Variants in DSP observed in about 807,000 individuals in gnomAD.
DSP encodes the protein 250/210 kDa paraneoplastic pemphigus antigen.
Under a neutral mutation model 290.6 loss-of-function variants are expected in DSP, and 114 were observed. That is an observed-to-expected ratio of 0.39 (90% CI 0.34 to 0.46). DSP has a LOEUF of 0.46. Among genes scored for constraint, DSP ranks in the 20% least tolerant of loss-of-function variants. The probability of loss-of-function intolerance (pLI) is 0.99; values close to 1 mark genes in which losing one functional copy is unlikely to be tolerated. For synonymous variants in DSP, 1,311 were observed against 1,316.4 expected (o/e 1.00, Z 0.09); for missense variants, 3,230 against 3,495.8 (o/e 0.92, Z 1.92).
At chr6:7,572,889 C>A (rs1412371513) in intron 15 of DSP, among the ~76,000 whole-genome samples, 1 of 152,210 alleles carries the variant, frequency 6.6e-6, no homozygotes, top group Non-Finnish European at 1.5e-5. Flanking sequence ...GTCCTAAATA[C>A]TGTAGGCAAT....
At chr6:7,568,618 G>A in intron 11 of DSP, 29 bp downstream of exon 11, 2 of 1,612,316 alleles carry the variant, frequency 1.2e-6, no homozygotes, top group Non-Finnish European at 1.7e-6. Context: ...TGATACAAAA[G>A]TTTTCCCTGT....
chr6:7,563,438 A>G (rs1196232246), intron 5 of DSP, among the ~76,000 whole-genome samples: 1 of 151,326 alleles, frequency 6.6e-6, no homozygotes, highest in Non-Finnish European at 1.5e-5. Context: ...TCTAAGACCT[A>G]GGGAATCCTA....
At chr6:7,543,280 CAGGG>C (rs1758071656) in intron 1 of DSP, among the ~76,000 whole-genome samples, 1 of 152,054 alleles carries the variant, frequency 6.6e-6, no homozygotes, top group African/African-American at 2.4e-5. Flanking sequence ...GAATGCGCTC[CAGGG>C]AGTTTTGTTT....
chr6:7,575,192 CTAAAGTGTTTTA>C lies in DSP; in HGVS notation c.2437-98_2437-87del, dbSNP rs1311137945. The C allele has an allele frequency of 5.5e-6, 6 of 1,085,358 alleles. No homozygotes were observed. The Admixed American group carries it at 1.0e-4, about 18-fold the overall frequency. 67.2% of individuals were successfully genotyped at this position (1,085,358 alleles called of 1,614,324 possible). On this transcript the variant is annotated intron_variant, in intron 17 of 23. Transcript: ENST00000379802. ...GTTAACACTTTAAATTATGAATATT[CTAAAGTGTTTTA>C]TAAACTTTGCCGCCCAATTTGGTGA...
intron 1 of DSP, among the ~76,000 whole-genome samples, chr6:7,552,068 C>T (rs1288459564): frequency 9.9e-5 from 15 of 152,138 alleles, no homozygotes; most frequent in Non-Finnish European, 1.3e-4. Context: ...GATGAAATTT[C>T]GTTAATCAGA....
rs747284663 is a variant in DSP at position 7,585,495 on chromosome 6, A to G, written c.8233A>G (p.Ile2745Val). 2.5e-5 allele frequency: 40 copies of G among 1,614,062 alleles called. 1 individual carries two copies. The Middle Eastern group carries it at 4.9e-4, about 20-fold the overall frequency. ...GLVDPEVHGR[I>V]STEEAIRKGF... is the part of the protein sequence containing the mutation. ...TGTTGACCCGGAAGTGCATGGGAGG[A>G]TAAGCACCGAAGAAGCCATCCGGAA... The change falls in exon 24 of 24, where the codon ATA (isoleucine) becomes GTA (valine). Residue 2745 changes from isoleucine (I) to valine (V), a missense_variant. Physicochemically the swap from Ile to Val is conservative, Grantham distance 29 (BLOSUM62 3). This residue lies in a region of DSP where 582 missense variants were observed against 555.4 expected (regional missense o/e 1.05). Transcript: ENST00000379802.
chr6:7,574,083 C>CA lies in DSP; in HGVS notation c.2131-2dup. ...CAAAAGAGCTTTCCTTCATTTTTGA[C>CA]AGAGTGTGCAGAATGATTCACAAGC... On this transcript the variant is annotated splice_region_variant and splice_polypyrimidine_tract_variant and intron_variant, in intron 15 of 23. Transcript: ENST00000379802. The CA allele has an allele frequency of 6.2e-7, 1 of 1,614,012 alleles. No individual in the cohort carries two copies. Among genetic ancestry groups the CA allele is most frequent in the Non-Finnish European group, 8.5e-7 (1 of 1,179,940 alleles).
Position 7,541,713 on chromosome 6 carries a change from G to C in DSP, c.-203G>C, listed in dbSNP as rs1757976745. The C allele has an allele frequency of 4.9e-6, 3 of 617,148 alleles. No individual in the cohort carries two copies. Among genetic ancestry groups the C allele is most frequent in the Admixed American group, 6.6e-5 (2 of 30,248 alleles). 38.2% of individuals were successfully genotyped at this position (617,148 alleles called of 1,614,324 possible). A position where few individuals can be genotyped will look rare whatever the true frequency, so the allele number is the denominator to read the frequency against. On this transcript the variant is annotated 5_prime_UTR_variant, in exon 1 of 24. Coordinates refer to ENST00000379802, the MANE Select transcript of DSP (RefSeq NM_004415.4). Reference sequence around the variant, plus strand: ...CCCTCCGAGCCACAGCTTTCCTCCCGCTCCTGCCCCCGGCCCGTCGCCGTC... The same window carrying C: ...CCCTCCGAGCCACAGCTTTCCTCCCCCTCCTGCCCCCGGCCCGTCGCCGTC...
chr6:7,583,352 T>C lies in DSP; in HGVS notation c.6090T>C (p.Ser2030=). Residue 2030 remains serine (S), a synonymous_variant, in exon 24 of 24, where the codon TCT becomes TCC. Coordinates refer to ENST00000379802, the MANE Select transcript of DSP (RefSeq NM_004415.4). This position sits in a 1 kb window ranked among gnomAD's most constrained non-coding sequence, Gnocchi z 4.0. ...GASASPKEKY[S]LVEAKRKKLI... is the part of the protein sequence containing the mutation. ...CTGCTTCTCCTAAGGAAAAATACTC[T>C]TTGGTAGAGGCCAAGAGAAAGAAAT... 6.2e-7 allele frequency: 1 copy of C among 1,614,170 alleles called. No individual in the cohort carries two copies. Among genetic ancestry groups the C allele is most frequent in the Non-Finnish European group, 8.5e-7 (1 of 1,180,050 alleles).
chr6:7,554,237 A>G (rs1021114459), intron 1 of DSP, among the ~76,000 whole-genome samples: 2 of 152,130 alleles, frequency 1.3e-5, no homozygotes, highest in Non-Finnish European at 2.9e-5. Flanking sequence ...ACAGACATTA[A>G]ATAATCACTT....
intron 5 of DSP, 69 bp from the exon 6 acceptor site, chr6:7,563,667 A>G: frequency 7.7e-7 from 1 of 1,299,046 alleles, no homozygotes; most frequent in South Asian, 1.2e-5. Flanking sequence ...AAGGAGGCTT[A>G]GAAGGGCCAC....
chr6:7,550,704 T>G (rs1193657017), intron 1 of DSP, among the ~76,000 whole-genome samples: 1 of 152,104 alleles, frequency 6.6e-6, no homozygotes, highest in East Asian at 1.9e-4. Flanking sequence ...CTTTTAAGGA[T>G]GAGTTATTTT....
In DSP at chr6:7,569,215, C is replaced by A. The variant is rs1758959651; in HGVS notation, c.1449C>A (p.Ile483=). 3.7e-6 allele frequency: 6 copies of A among 1,614,144 alleles called. No homozygotes were observed. The highest frequency in any genetic ancestry group is 5.1e-6 in the Non-Finnish European group (6 of 1,180,028). ...QKIVHKGDEC[I]LKDNNERSKW... ...TCGTGCATAAGGGGGATGAGTGTAT[C>A]CTGAAGGACAACAACGAGCGCAGCA... The change falls in exon 12 of 24, where the codon ATC becomes ATA. Residue 483 remains isoleucine, a synonymous_variant. Transcript: ENST00000379802.
In DSP at chr6:7,571,828, AC is replaced by A. The variant is rs1561690594; in HGVS notation, c.1904-13del. On this transcript the variant is annotated splice_polypyrimidine_tract_variant and intron_variant, in intron 14 of 23. Coordinates refer to ENST00000379802, the MANE Select transcript of DSP (RefSeq NM_004415.4). Reference sequence around the variant, plus strand: ...GTATTCTCTGATTTTTGTGGCCCTAACTTCTTTTTACAGTGACCACAACTGA... The same window carrying A: ...GTATTCTCTGATTTTTGTGGCCCTAATTCTTTTTACAGTGACCACAACTGA... The A allele has an allele frequency of 6.2e-7, 1 of 1,610,500 alleles. No individual in the cohort carries two copies. The highest frequency in any genetic ancestry group is 1.1e-5 in the South Asian group (1 of 91,030).
intron 16 of DSP, 71 bp downstream of exon 16, chr6:7,574,323 T>A: frequency 6.8e-7 from 1 of 1,468,860 alleles, no homozygotes; most frequent in South Asian, 1.2e-5. Flanking sequence ...TCATTTGCTT[T>A]AGATGCTTGC....
At position 7,558,220 on chromosome 6, in the gene DSP, A is replaced by G. The variant is rs1758561693; in HGVS notation, c.378A>G (p.Arg126=). 1.2e-5 allele frequency: 20 copies of G among 1,614,256 alleles called. No homozygotes were observed. The highest frequency in any genetic ancestry group is 1.7e-5 in the Non-Finnish European group (20 of 1,180,044). Residue 126 remains arginine, a synonymous_variant, in exon 3 of 24, where the codon AGA becomes AGG. Coordinates refer to ENST00000379802, the MANE Select transcript of DSP (RefSeq NM_004415.4). ...DQMEILDSLI[R]EMRQMGQPCD... The stretch of plus-strand genomic sequence containing the variant: ...TGGAAATCCTCGACAGCTTGATCAG[A>G]GAGATGCGGCAGATGGGCCAGCCCT...
At chr6:7,550,574 CTA>C (rs1156965513) in intron 1 of DSP, among the ~76,000 whole-genome samples, 1 of 151,848 alleles carries the variant, frequency 6.6e-6, no homozygotes. Flanking sequence ...GAAGGGCTCT[CTA>C]TGCAAATATT....
chr6:7,578,128 G>T (rs1444328226), intron 21 of DSP, among the ~76,000 whole-genome samples: 1 of 148,412 alleles, frequency 6.7e-6, no homozygotes. Flanking sequence ...TAGAGTCTTT[G>T]TAGAAATTGG....
intron 1 of DSP, among the ~76,000 whole-genome samples, chr6:7,551,326 A>T (rs551506189): frequency 1.3e-5 from 2 of 152,238 alleles, no homozygotes; most frequent in Admixed American, 1.3e-4. Flanking sequence ...TACAGCTTTT[A>T]AAAAAATGCA....
Sources: allele counts gnomAD v4.1 joint callset (sites outside exome capture counted in the v4.1 genomes callset), GRCh38; gene constraint gnomAD v4.1.1; regional missense constraint gnomAD v4.1.1; non-coding constraint Gnocchi (gnomAD v3.1); transcripts MANE v1.5; gene names NCBI Gene and HGNC (gene_info 2026-07-23, HGNC 2026-07-21).